The following LRMDA variants were observed in gnomAD, a reference collection of about 807,000 sequenced individuals.
The protein encoded by LRMDA is leucine-rich melanocyte differentiation-associated protein.
A neutral mutation model predicts 29.8 loss-of-function variants in LRMDA; 18 were observed. The ratio of observed to expected loss-of-function variants is 0.60; its 90% CI spans 0.42 to 0.90. The LOEUF is 0.90. LRMDA is among the 40% of genes least tolerant of loss of function. LRMDA has a pLI of 0.00. For synonymous variants in LRMDA, 125 were observed against 109.4 expected (o/e 1.14, Z -0.89); for missense variants, 273 against 273.9 (o/e 1.00, Z 0.02).
chr10:76,157,839 A>G (rs1850567309), intron 5 of LRMDA, among the ~76,000 whole-genome samples: 1 of 152,156 alleles, frequency 6.6e-6, no homozygotes, highest in Non-Finnish European at 1.5e-5. Flanking sequence ...TGCTTAATAC[A>G]AACCTAGATG....
chr10:76,036,311 C>A (rs1848245166), intron 3 of LRMDA, among the ~76,000 whole-genome samples, 177 bp downstream of exon 3: 1 of 152,174 alleles, frequency 6.6e-6, no homozygotes, highest in Admixed American at 6.5e-5. Flanking sequence ...GCACTCGGGA[C>A]ACTTCAGAGT....
chr10:75,486,231 A>AT (rs1185802796), intron 2 of LRMDA, among the ~76,000 whole-genome samples: 2 of 152,180 alleles, frequency 1.3e-5, no homozygotes, highest in Middle Eastern at 3.2e-3. Flanking sequence ...GAATTTAGGT[A>AT]TTTTTTATTA....
Position 75,926,949 on chromosome 10 carries a change from T to A in LRMDA, c.132-109059T>A, listed in dbSNP as rs959415875. The stretch of plus-strand genomic sequence containing the variant: ...ACGGATCTGGGTTGACTTCAGTGTG[T>A]CTTTAGGAAGCCTCCCCTAGTGCTC... On this transcript the variant is annotated intron_variant, in intron 2 of 6. Transcript: ENST00000611255. Among the ~76,000 whole-genome samples, 4 of 152,174 alleles carry A rather than the reference T, an allele frequency of 2.6e-5. No individual in the cohort carries two copies. The East Asian group carries it at 5.8e-4, about 22-fold the overall frequency.
rs557983442 is a variant in LRMDA at position 76,037,053 on chromosome 10, G to C, written c.258+919G>C. Among the ~76,000 whole-genome samples, 5 of 152,300 alleles carry C rather than the reference G, an allele frequency of 3.3e-5. No homozygotes were observed. In the East Asian group the frequency reaches 7.7e-4, roughly 24 times the overall value. On this transcript the variant is annotated intron_variant, in intron 3 of 6. Coordinates refer to ENST00000611255, the MANE Select transcript of LRMDA (RefSeq NM_001305581.2). ...ACTCCTAGGAATGAGGCATGGTGCT[G>C]GGTTCTTTATGTGTGTTGTTATTCA...
intron 2 of LRMDA, among the ~76,000 whole-genome samples, chr10:75,675,707 CT>C (rs11295775): frequency 0.74 from 111,254 of 149,958 alleles, 43,033 homozygotes; most frequent in Non-Finnish European, 0.85. Flanking sequence ...TATTGTTCAA[CT>C]TTTTTTTTTT....
intron 2 of LRMDA, among the ~76,000 whole-genome samples, chr10:75,820,264 A>C (rs1045403428): frequency 6.6e-6 from 1 of 152,244 alleles, no homozygotes; most frequent in African/African-American, 2.4e-5. Flanking sequence ...GCCACAAGGC[A>C]AGCCTCAATA....
intron 6 of LRMDA, among the ~76,000 whole-genome samples, chr10:76,487,670 G>A (rs1302853971): frequency 6.6e-6 from 1 of 151,724 alleles, no homozygotes; most frequent in Non-Finnish European, 1.5e-5. Flanking sequence ...ATCTGTTAGT[G>A]GGATTGAGAA....
chr10:76,153,975 A>T (rs1288851899), intron 5 of LRMDA, among the ~76,000 whole-genome samples: 1 of 152,242 alleles, frequency 6.6e-6, no homozygotes, highest in Non-Finnish European at 1.5e-5. Context: ...TTGCTCTGAT[A>T]TCACAGCGAT....
chr10:76,021,461 T>G (rs1847972922), intron 2 of LRMDA, among the ~76,000 whole-genome samples: 1 of 152,198 alleles, frequency 6.6e-6, no homozygotes, highest in Non-Finnish European at 1.5e-5. Context: ...TCAGGCTCAT[T>G]CTTACCTACA....
intron 6 of LRMDA, among the ~76,000 whole-genome samples, chr10:76,369,632 G>C (rs1045650085): frequency 1.3e-5 from 2 of 152,082 alleles, no homozygotes; most frequent in Non-Finnish European, 2.9e-5. Context: ...GTGTTCTTTT[G>C]CTTCTTGTAT....
chr10:75,720,531 T>G (rs1842553860), intron 2 of LRMDA, among the ~76,000 whole-genome samples: 1 of 152,170 alleles, frequency 6.6e-6, no homozygotes, highest in Admixed American at 6.5e-5. Context: ...CCTTCGAAGT[T>G]TACTTTTTAG....
chr10:75,574,847 G>A (rs909196860), intron 2 of LRMDA, among the ~76,000 whole-genome samples: 3 of 152,308 alleles, frequency 2.0e-5, no homozygotes, highest in South Asian at 4.1e-4. Flanking sequence ...TAAAACTGCT[G>A]TATTAGTCCA....
intron 6 of LRMDA, among the ~76,000 whole-genome samples, chr10:76,426,142 G>A (rs1444957606): frequency 6.6e-6 from 1 of 152,054 alleles, no homozygotes; most frequent in Non-Finnish European, 1.5e-5. Flanking sequence ...TGGGTCAAAT[G>A]GTATTTCTAG....
chr10:76,265,196 C>T (rs1432913576), intron 5 of LRMDA, among the ~76,000 whole-genome samples: 2 of 152,212 alleles, frequency 1.3e-5, no homozygotes, highest in African/African-American at 2.4e-5. Context: ...TATGTCTTTC[C>T]TCCTCCTTTA....
At chr10:75,888,832 G>A (rs145819574) in intron 2 of LRMDA, among the ~76,000 whole-genome samples, 111 of 152,310 alleles carry the variant, frequency 7.3e-4, no homozygotes, top group Middle Eastern at 6.8e-3. Context: ...TTAGCAGAGG[G>A]ATGGAAAATG....
At chr10:76,036,770 C>T (rs995950553) in intron 3 of LRMDA, among the ~76,000 whole-genome samples, 3 of 152,116 alleles carry the variant, frequency 2.0e-5, no homozygotes, top group East Asian at 1.9e-4. Context: ...GTGAGACTTA[C>T]GGGCACTAAC....
intron 2 of LRMDA, among the ~76,000 whole-genome samples, chr10:75,465,449 T>G (rs1266062742): frequency 3.3e-5 from 5 of 152,250 alleles, no homozygotes; most frequent in Admixed American, 2.6e-4. Context: ...GTATGCATAC[T>G]GTGGGACTAG....
chr10:76,361,850 C>A (rs1001427834), intron 6 of LRMDA, among the ~76,000 whole-genome samples: 1 of 152,170 alleles, frequency 6.6e-6, no homozygotes, highest in Non-Finnish European at 1.5e-5. Context: ...CATCCATTTT[C>A]TCCTTGTACC....
At chr10:75,500,386 C>T (rs1052818889) in intron 2 of LRMDA, among the ~76,000 whole-genome samples, 2 of 152,140 alleles carry the variant, frequency 1.3e-5, no homozygotes, top group Admixed American at 6.5e-5. Flanking sequence ...ATTATCTCTG[C>T]TCTACAGAAG....
Sources: gnomAD v4.1 joint callset for allele counts (sites outside exome capture counted in the v4.1 genomes callset) on GRCh38, gnomAD v4.1.1 for gene constraint, MANE v1.5 for transcripts, NCBI Gene and HGNC (gene_info 2026-07-23, HGNC 2026-07-21) for gene names.